The following MGA variants were observed in gnomAD, a reference collection of about 807,000 sequenced individuals.
MGA encodes the protein MAX dimerization protein MGA, also known as MAX gene-associated protein.
In MGA, 40 loss-of-function variants were observed where a neutral mutation model predicts 261.1. That is an observed-to-expected ratio of 0.15 (90% CI 0.12 to 0.20). MGA has a LOEUF of 0.20. Ranked by LOEUF, MGA falls within the 10% of genes least tolerant of loss-of-function variation. The pLI, the probability that MGA is intolerant of heterozygous loss-of-function variation, is 1.00. For synonymous variants in MGA, 1,302 were observed against 1,290.6 expected, an observed-to-expected ratio of 1.01 and a Z score of -0.19; for missense variants, 3,397 against 3,630.5, an observed-to-expected ratio of 0.94 and a Z score of 1.65.
chr15:41,624,114 G>C (rs2056383665), intron 1 of MGA, among the ~76,000 whole-genome samples: 1 of 151,506 alleles, frequency 6.6e-6, no homozygotes, highest in East Asian at 1.9e-4. Flanking sequence ...GCCCAGGCTG[G>C]AGTGCAGTGG....
Position 41,696,955 on chromosome 15 carries a change from A to C in MGA, c.1945A>C (p.Thr649Pro). The C allele has an allele frequency of 6.2e-7, 1 of 1,603,720 alleles. No homozygotes were observed. Among genetic ancestry groups the C allele is most frequent in the East Asian group, 2.2e-5 (1 of 44,758 alleles). The change falls in exon 3 of 24, where the codon ACC (threonine) becomes CCC (proline). Residue 649 changes from threonine (T) to proline (P), a missense_variant. Physicochemically the swap from Thr to Pro is conservative, Grantham distance 38. This residue lies in a region of MGA where 563 missense variants were observed against 563.6 expected (regional missense o/e 1.00). Coordinates refer to ENST00000219905, the MANE Select transcript of MGA (RefSeq NM_001164273.2). ...GAATACACCTGTAAGCCCTGGGAGT[A>C]CCTTTCCAGATGTGAAGCCTGATCT...
Position 41,708,141 on chromosome 15 carries a change from C to T in MGA, c.2358C>T (p.Thr786=), listed in dbSNP as rs1477195448. 2 of 1,599,886 alleles carry T rather than the reference C, an allele frequency of 1.3e-6. No homozygotes were observed. Among genetic ancestry groups the T allele is most frequent in the East Asian group, 2.2e-5 (1 of 44,642 alleles). Residue 786 remains threonine, a synonymous_variant, in exon 7 of 24, where the codon ACC becomes ACT. Coordinates refer to ENST00000219905, the MANE Select transcript of MGA (RefSeq NM_001164273.2). ...CCTTTGTTTCTAGGACAGGGAAAAC[C>T]AATGATTTCACTAAGATCAAGGGAT... is the stretch of plus-strand genomic sequence containing the variant.
Position 41,768,867 on chromosome 15 carries a change from A to T in MGA, c.*1587A>T, listed in dbSNP as rs982941905. 1.7e-4 allele frequency: 21 copies of T among 123,878 alleles called. No homozygotes were observed. The highest frequency in any genetic ancestry group is 6.3e-4 in the African/African-American group (21 of 33,254). The allele number at this position is 123,878 out of a possible 1,614,324, so 7.7% of individuals were successfully genotyped here. On this transcript the variant is annotated 3_prime_UTR_variant, in exon 24 of 24. Transcript: ENST00000219905. ...CCCTTTCTGTTAACTCTGGTAATCA[A>T]CAGATTGAAAACGGTGGAAGAACTT...
At chr15:41,754,015 CT>C (rs1405450074) in intron 17 of MGA, among the ~76,000 whole-genome samples, 1 of 152,070 alleles carries the variant, frequency 6.6e-6, no homozygotes, top group Non-Finnish European at 1.5e-5. Flanking sequence ...AACTCCTGGC[CT>C]CAAGCAATCC....
Position 41,750,519 on chromosome 15 carries a change from T to A in MGA, c.6912T>A (p.Asp2304Glu), listed in dbSNP as rs758820323. The A allele has an allele frequency of 5.6e-6, 9 of 1,613,380 alleles. No homozygotes were observed. Among genetic ancestry groups the A allele is most frequent in the Middle Eastern group, 1.6e-4 (1 of 6,082 alleles). ...TCACTGTTTTGGATTTGGAAGAAGA[T>A]GATGAAGATGATAATGAGAAAACTG... The change falls in exon 17 of 24, where the codon GAT becomes GAA. Residue 2304 changes from aspartate (D) to glutamate (E), a missense_variant. Asp to Glu is a conservative substitution (Grantham distance 45, BLOSUM62 2). Around this residue, in one of 9 missense-constraint regions of MGA, gnomAD observed 1,410 missense variants for 1,386.4 expected, o/e 1.02. Coordinates refer to ENST00000219905, the MANE Select transcript of MGA (RefSeq NM_001164273.2).
At chr15:41,715,495 A>G (rs2060586496) in intron 9 of MGA, among the ~76,000 whole-genome samples, 1 of 152,046 alleles carries the variant, frequency 6.6e-6, no homozygotes, top group Non-Finnish European at 1.5e-5. Context: ...TATTTCTTCT[A>G]GTACTTTTTT....
chr15:41,683,313 G>T (rs1477274419), intron 2 of MGA, among the ~76,000 whole-genome samples: 8 of 151,696 alleles, frequency 5.3e-5, no homozygotes, highest in Non-Finnish European at 1.0e-4. Context: ...TTGGTCTCTT[G>T]GTCTCCTCAA....
At chr15:41,729,501 A>G (rs1041244155) in intron 11 of MGA, among the ~76,000 whole-genome samples, 152 bp downstream of exon 11, 4 of 152,124 alleles carry the variant, frequency 2.6e-5, no homozygotes, top group Non-Finnish European at 4.4e-5. Context: ...TACCTATTGT[A>G]TGATACGTCC....
Position 41,696,185 on chromosome 15 carries a change from A to T in MGA, c.1175A>T (p.Glu392Val). The T allele has an allele frequency of 6.2e-7, 1 of 1,613,982 alleles. No homozygotes were observed. Among genetic ancestry groups the T allele is most frequent in the Non-Finnish European group, 8.5e-7 (1 of 1,179,898 alleles). ...GAACCTCTAGATGATTATGACTACG[A>T]ACTTGGTGAGTGCCCAGAAGGGGTC... The change falls in exon 3 of 24, where the codon GAA becomes GTA. Residue 392 changes from glutamate (E) to valine (V), a missense_variant. By Grantham distance (121) the Glu-to-Val change is moderately radical. Coordinates refer to ENST00000219905, the MANE Select transcript of MGA (RefSeq NM_001164273.2).
chr15:41,752,811 G>C (rs1024332288), intron 17 of MGA, among the ~76,000 whole-genome samples: 5 of 152,090 alleles, frequency 3.3e-5, no homozygotes, highest in African/African-American at 7.2e-5. Context: ...ACCCACGTTG[G>C]CCTCCCAAAA....
intron 1 of MGA, among the ~76,000 whole-genome samples, chr15:41,624,239 AT>A (rs879798959): frequency 0.023 from 3,171 of 138,196 alleles, 83 homozygotes; most frequent in African/African-American, 0.07. Flanking sequence ...TAATTTTTGT[AT>A]TTTTTTTTTT....
intron 1 of MGA, among the ~76,000 whole-genome samples, chr15:41,644,247 A>G (rs1356911570): frequency 1.3e-5 from 2 of 151,130 alleles, no homozygotes; most frequent in African/African-American, 4.9e-5. Context: ...GATGGATCAT[A>G]CATGTAATCC....
intron 3 of MGA, 150 bp downstream of exon 3, chr15:41,697,173 A>G: frequency 7.9e-6 from 5 of 630,726 alleles, no homozygotes; most frequent in Non-Finnish European, 1.3e-5. Context: ...AGTGTCTCCA[A>G]AATGTTTGGT....
chr15:41,752,261 T>C (rs886963615), intron 17 of MGA: 4 of 152,006 alleles, frequency 2.6e-5, no homozygotes, highest in Admixed American at 2.6e-4. Context: ...AATGTTCTTA[T>C]ATTGGTTATT....
intron 1 of MGA, among the ~76,000 whole-genome samples, chr15:41,635,373 C>T (rs931258468): frequency 3.3e-5 from 5 of 149,674 alleles, no homozygotes; most frequent in East Asian, 4.0e-4. Context: ...AATTAAAGTG[C>T]GGAGATGAGA....
chr15:41,724,097 A>AT lies in MGA; in HGVS notation c.3431-3082dup, dbSNP rs574312637. Among the ~76,000 whole-genome samples, 715 of 152,276 alleles carry AT rather than the reference A, an allele frequency of 4.7e-3. 6 individuals are homozygous for AT. Among genetic ancestry groups the AT allele is most frequent in the Non-Finnish European group, 7.5e-3 (508 of 68,022 alleles). On this transcript the variant is annotated intron_variant, in intron 9 of 23. Coordinates refer to ENST00000219905, the MANE Select transcript of MGA (RefSeq NM_001164273.2). ...TTAGAAAATCCTTAAAAGATTATTG[A>AT]TAGAAGTCCAAGATGTCTTGCTTGC...
chr15:41,667,020 G>C (rs895690570), intron 1 of MGA, among the ~76,000 whole-genome samples: 1 of 152,110 alleles, frequency 6.6e-6, no homozygotes, highest in South Asian at 2.1e-4. Flanking sequence ...AACTGCTTAG[G>C]GGAGAATGCT....
At chr15:41,703,919 CAT>C (rs1039155118) in intron 5 of MGA, among the ~76,000 whole-genome samples, 4 of 152,130 alleles carry the variant, frequency 2.6e-5, no homozygotes, top group African/African-American at 9.7e-5. Context: ...CCAGTGATCA[CAT>C]GTCAGCCCCC....
At chr15:41,713,835 G>C (rs2060498869) in intron 9 of MGA, among the ~76,000 whole-genome samples, 1 of 152,124 alleles carries the variant, frequency 6.6e-6, no homozygotes. Flanking sequence ...TACGTTCCTT[G>C]GAAAGACTAT....
Sources: gnomAD v4.1 joint callset for allele counts (sites outside exome capture counted in the v4.1 genomes callset) on GRCh38, gnomAD v4.1.1 for gene constraint, gnomAD v4.1.1 regional missense constraint, MANE v1.5 for transcripts, NCBI Gene and HGNC (gene_info 2026-07-23, HGNC 2026-07-21) for gene names.